Variants in CCDC171 observed in about 807,000 individuals in gnomAD.
CCDC171 encodes coiled-coil domain-containing protein 171.
CCDC171 carries 177 observed loss-of-function variants against 168.2 expected under a neutral mutation model. The ratio of observed to expected loss-of-function variants is 1.05; its 90% confidence interval spans 0.93 to 1.19. CCDC171 has a LOEUF of 1.19. Ranked by LOEUF, CCDC171 falls within the 50% of genes most tolerant of loss-of-function variation. The pLI is 0.00. For missense variants in CCDC171, 1,991 were observed against 1,539.0 expected (o/e 1.29, Z -4.91); for synonymous variants, 687 against 540.8 (o/e 1.27, Z -3.75).
chr9:15,776,337 A>G (rs2057328407), intron 18 of CCDC171: 2 of 152,050 alleles, frequency 1.3e-5, no homozygotes, highest in South Asian at 2.1e-4. Context: ...AGGACTGTGT[A>G]TTTTCATTAT....
intron 10 of CCDC171, among the ~76,000 whole-genome samples, chr9:15,691,555 T>G (rs1253900523): frequency 7.0e-6 from 1 of 143,834 alleles, no homozygotes; most frequent in African/African-American, 2.5e-5. Flanking sequence ...TTTATATATA[T>G]ATATATATAT....
intron 8 of CCDC171, among the ~76,000 whole-genome samples, chr9:15,664,829 G>A (rs1034928434): frequency 1.3e-5 from 2 of 151,172 alleles, no homozygotes; most frequent in Non-Finnish European, 2.9e-5. Flanking sequence ...CTCCCTAGTG[G>A]CTGGGATTAC....
intron 24 of CCDC171, among the ~76,000 whole-genome samples, chr9:15,913,527 C>T (rs940525458): frequency 6.6e-6 from 1 of 152,160 alleles, no homozygotes; most frequent in African/African-American, 2.4e-5. Context: ...TCTCTATCTC[C>T]TTCAGTTCTG....
chr9:15,806,404 C>T (rs1041155469), intron 21 of CCDC171, among the ~76,000 whole-genome samples: 1 of 152,114 alleles, frequency 6.6e-6, no homozygotes, highest in African/African-American at 2.4e-5. Context: ...GTGCTTTCTT[C>T]AGGAGCTCTT....
intron 2 of CCDC171, among the ~76,000 whole-genome samples, chr9:15,567,275 C>T (rs902272061): frequency 1.3e-5 from 2 of 152,172 alleles, no homozygotes; most frequent in African/African-American, 4.8e-5. Context: ...CGGCCTCAGC[C>T]TCCCACAGTG....
downstream of CCDC171, among the ~76,000 whole-genome samples, chr9:16,063,592 G>A (rs1399455244): frequency 1.3e-5 from 2 of 152,194 alleles, no homozygotes; most frequent in South Asian, 2.1e-4. Flanking sequence ...CTGCTGTTAC[G>A]GAAAAGCGAA....
intron 3 of CCDC171, among the ~76,000 whole-genome samples, chr9:15,996,028 T>C (rs1832359666): frequency 6.6e-6 from 1 of 152,242 alleles, no homozygotes. Flanking sequence ...CAGTGGTCAT[T>C]CCAACACCGT....
intron 6 of CCDC171, among the ~76,000 whole-genome samples, chr9:16,023,395 A>G (rs1833213298): frequency 6.6e-6 from 1 of 152,188 alleles, no homozygotes; most frequent in African/African-American, 2.4e-5. Context: ...TTTCTTCTCA[A>G]ATTTATTTGA....
At chr9:15,582,459 T>A (rs1236991150) in intron 4 of CCDC171, among the ~76,000 whole-genome samples, 1 of 152,216 alleles carries the variant, frequency 6.6e-6, no homozygotes, top group Admixed American at 6.5e-5. Context: ...TAAATCATGC[T>A]GCTATAAAGA....
At chr9:15,907,322 G>A (rs1822832679) in intron 24 of CCDC171, among the ~76,000 whole-genome samples, 2 of 152,074 alleles carry the variant, frequency 1.3e-5, no homozygotes, top group African/African-American at 2.4e-5. Context: ...ATAGACCAAT[G>A]GAACAGAACA....
chr9:16,033,464 G>T lies in CCDC171; in HGVS notation n.999-1993G>T, dbSNP rs1440737201. On this transcript the variant is annotated intron_variant and non_coding_transcript_variant, in intron 6 of 9. Coordinates refer to the CCDC171 transcript ENST00000486641. ...GTAAACCGCGCATGCGTGGGATCTG[G>T]GTTGCGTTCCTTGCGAGAATCTAAT... Among the ~76,000 whole-genome samples the T allele has an allele frequency of 3.3e-5, 5 of 152,176 alleles. No individual in the cohort carries two copies. The South Asian group carries it at 1.0e-3, about 32-fold the overall frequency.
chr9:15,892,784 A>T (rs1820394779), intron 24 of CCDC171, among the ~76,000 whole-genome samples: 1 of 152,076 alleles, frequency 6.6e-6, no homozygotes, highest in Non-Finnish European at 1.5e-5. Context: ...AGAAATCAGA[A>T]AGGACACAAA....
At chr9:16,014,389 A>T (rs2132998303) in intron 3 of CCDC171, among the ~76,000 whole-genome samples, 1 of 152,290 alleles carries the variant, frequency 6.6e-6, no homozygotes, top group Admixed American at 6.5e-5. Flanking sequence ...TGAAGTCTTG[A>T]ACCCCTCAAA....
At chr9:15,656,963 A>T (rs895715255) in intron 7 of CCDC171, among the ~76,000 whole-genome samples, 164 bp from the exon 8 acceptor site, 3 of 152,110 alleles carry the variant, frequency 2.0e-5, no homozygotes, top group Non-Finnish European at 2.9e-5. Context: ...CTCTGGAAGC[A>T]TTCTTCCTGA....
chr9:15,660,465 C>T (rs936725112), intron 8 of CCDC171, among the ~76,000 whole-genome samples: 1 of 152,094 alleles, frequency 6.6e-6, no homozygotes, highest in African/African-American at 2.4e-5. Context: ...AACTCTTGCC[C>T]CCTTCCTGCC....
At chr9:15,675,847 A>G (rs1022002667) in intron 9 of CCDC171, among the ~76,000 whole-genome samples, 1 of 151,940 alleles carries the variant, frequency 6.6e-6, no homozygotes, top group African/African-American at 2.4e-5. Flanking sequence ...ACAATCGTGC[A>G]TCTTGGGATT....
At chr9:15,898,781 C>T (rs747594598) in intron 24 of CCDC171, among the ~76,000 whole-genome samples, 2 of 152,074 alleles carry the variant, frequency 1.3e-5, no homozygotes, top group Non-Finnish European at 2.9e-5. Context: ...ATCCAGCTTT[C>T]CCCATTGTTA....
chr9:16,086,094 G>T, the CCDC171 span, among the ~76,000 whole-genome samples: 3 of 151,992 alleles, frequency 2.0e-5, no homozygotes, highest in Non-Finnish European at 4.4e-5. Flanking sequence ...GACTTTTTTT[G>T]ATTTGTAGGC....
chr9:15,744,356 G>A lies in CCDC171; in HGVS notation c.2133G>A (p.Ser711=), dbSNP rs528728603. The change falls in exon 17 of 26, where the codon TCG becomes TCA. Residue 711 remains serine (S), a synonymous_variant. Coordinates refer to ENST00000380701, the MANE Select transcript of CCDC171 (RefSeq NM_173550.4). ...ATGAACAGTTGGTTCTTGAAAATTCGCACTTCAAAAAACTGTTATCACAGA... is the reference window on the plus strand; with the variant it reads ...ATGAACAGTTGGTTCTTGAAAATTCACACTTCAAAAAACTGTTATCACAGA... The part of the protein sequence containing the change: ...KSHEQLVLEN[S]HFKKLLSQTQ... The A allele has an allele frequency of 3.0e-5, 49 of 1,613,678 alleles. No individual in the cohort carries two copies. The highest frequency in any genetic ancestry group is 2.3e-4 in the South Asian group (21 of 91,028).
Sources: gnomAD v4.1 joint callset for allele counts (sites outside exome capture counted in the v4.1 genomes callset) on GRCh38, gnomAD v4.1.1 for gene constraint, MANE v1.5 for transcripts, NCBI Gene and HGNC (gene_info 2026-07-23, HGNC 2026-07-21) for gene names.